RFPL4A: variants seen among roughly 807,000 people sequenced by gnomAD.
RFPL4A encodes ret finger protein like 4A, also known as ret finger protein-like 4A.
RFPL4A carries 4 observed loss-of-function variants against 8.3 expected under a neutral mutation model. The ratio of observed to expected loss-of-function variants is 0.48; its 90% CI spans 0.24 to 1.10. The LOEUF is 1.10. Ranked by LOEUF, RFPL4A falls within the 50% of genes least tolerant of loss-of-function variation. RFPL4A has a pLI of 0.18. For missense variants in RFPL4A, 111 were observed against 358.7 expected (o/e 0.31, Z 5.58); for synonymous variants, 43 against 136.6 (o/e 0.31, Z 4.78).
intron 1 of RFPL4A, among the ~76,000 whole-genome samples, chr19:55,760,353 C>G (rs1173774300): frequency 3.3e-5 from 5 of 151,398 alleles, no homozygotes; most frequent in Non-Finnish European, 7.4e-5. Context: ...GTCGGGAGAA[C>G]GAATTCAGGG....
chr19:55,761,134 G>T (rs187994977), intron 1 of RFPL4A, among the ~76,000 whole-genome samples: 8 of 129,226 alleles, frequency 6.2e-5, no homozygotes, highest in Non-Finnish European at 1.0e-4. Flanking sequence ...TACCTGGTAC[G>T]ACTTATTTGT....
Position 55,763,345 on chromosome 19 carries a change from T to C in RFPL4A, c.*170T>C, listed in dbSNP as rs1317951965. Among the ~76,000 whole-genome samples, 1 of 149,780 alleles carries C rather than the reference T, an allele frequency of 6.7e-6. No homozygotes were observed. The highest frequency in any genetic ancestry group is 2.1e-4 in the South Asian group (1 of 4,794). On this transcript the variant is annotated 3_prime_UTR_variant, in exon 3 of 3. Coordinates refer to ENST00000434937, the MANE Select transcript of RFPL4A (RefSeq NM_001145014.2). ...TATTAATGAGGGGAAAATTACATTG[T>C]ACTTAAAGTTTGTCATGTTGTTTTC...
Position 55,761,991 on chromosome 19 carries a change from A to G in RFPL4A, c.191A>G (p.Lys64Arg), listed in dbSNP as rs202102526. 7,471 of 1,513,996 alleles carry G rather than the reference A, an allele frequency of 4.9e-3. 312 individuals carry two copies. The highest frequency in any genetic ancestry group is 5.2e-3 in the Non-Finnish European group (5,861 of 1,118,846). 93.8% of individuals were successfully genotyped at this position (1,513,996 alleles called of 1,614,324 possible). ...VVSQKDDIKPKYKLRALVSII... is the reference protein window; with the variant it reads ...VVSQKDDIKPRYKLRALVSII... Reference sequence around the variant, plus strand: ...TCTCAGAAGGATGACATCAAGCCCAAGTACAAGCTGAGGGCGCTGGTTTCC... The same window carrying G: ...TCTCAGAAGGATGACATCAAGCCCAGGTACAAGCTGAGGGCGCTGGTTTCC... The change falls in exon 2 of 3, where the codon AAG (lysine) becomes AGG (arginine). Residue 64 changes from lysine to arginine, a missense_variant. Coordinates refer to ENST00000434937, the MANE Select transcript of RFPL4A (RefSeq NM_001145014.2).
At chr19:55,760,090 C>G (rs1033446175) in intron 1 of RFPL4A, among the ~76,000 whole-genome samples, 16 of 151,710 alleles carry the variant, frequency 1.1e-4, no homozygotes, top group Non-Finnish European at 1.9e-4. Context: ...ACAGGCAGTT[C>G]TATCCTTCAT....
intron 1 of RFPL4A, among the ~76,000 whole-genome samples, chr19:55,761,330 G>T (rs1989277947): frequency 7.3e-6 from 1 of 137,390 alleles, no homozygotes; most frequent in Admixed American, 7.1e-5. Flanking sequence ...CAAGCCTAAT[G>T]AATTTTAACT....
intron 1 of RFPL4A, 75 bp from the exon 2 acceptor site, chr19:55,761,717 T>C (rs1252381291): frequency 6.9e-7 from 1 of 1,455,226 alleles, no homozygotes; most frequent in Non-Finnish European, 9.3e-7. Flanking sequence ...CATGTAAAGA[T>C]AAAAGCCCCA....
upstream of RFPL4A, among the ~76,000 whole-genome samples, chr19:55,758,325 C>T (rs1166572613): frequency 1.3e-5 from 2 of 152,296 alleles, no homozygotes; most frequent in East Asian, 1.9e-4. Context: ...AAATTAAAGA[C>T]TATTAATTTA....
rs1989233183 is a variant in RFPL4A at position 55,759,156 on chromosome 19, G to T, written c.-29G>T. On this transcript the variant is annotated 5_prime_UTR_variant, in exon 1 of 3. Transcript: ENST00000434937. The stretch of plus-strand genomic sequence containing the variant: ...CCGCAGAAGCAGCTGGAGGCCAGGG[G>T]AGAAACTCCAGAAGGAGAGGTGAGT... 6.6e-6 allele frequency: 1 copy of T among 152,138 alleles called. No homozygotes were observed. The highest frequency in any genetic ancestry group is 1.5e-5 in the Non-Finnish European group (1 of 67,612). 9.4% of individuals were successfully genotyped at this position (152,138 alleles called of 1,614,324 possible).
At chr19:55,758,193 G>A (rs1231987586), upstream of RFPL4A, among the ~76,000 whole-genome samples, 4 of 152,264 alleles carry the variant, frequency 2.6e-5, no homozygotes, top group African/African-American at 7.2e-5. Context: ...GCACCACAAC[G>A]TAGAGATTTG....
chr19:55,761,530 A>G (rs1989281681), intron 1 of RFPL4A, among the ~76,000 whole-genome samples: 1 of 143,332 alleles, frequency 7.0e-6, no homozygotes, highest in South Asian at 2.2e-4. Flanking sequence ...GAAACAGTTC[A>G]GGTGTAGACT....
upstream of RFPL4A, among the ~76,000 whole-genome samples, chr19:55,757,908 A>C (rs1163706918): frequency 5.3e-5 from 8 of 152,036 alleles, no homozygotes; most frequent in African/African-American, 1.7e-4. Context: ...AGCAGATAAA[A>C]ATTAAAAGAT....
chr19:55,763,099 A>T lies in RFPL4A; in HGVS notation c.788A>T (p.Asp263Val). 1.3e-6 allele frequency: 2 copies of T among 1,548,986 alleles called. No individual in the cohort carries two copies. Among genetic ancestry groups the T allele is most frequent in the East Asian group, 2.4e-5 (1 of 40,880 alleles). The change falls in exon 3 of 3, where the codon GAT (aspartate) becomes GTT (valine). Residue 263 changes from aspartate (D) to valine (V), a missense_variant. By Grantham distance (152) the Asp-to-Val change is radical. Transcript: ENST00000434937. ...GCTCATAAACGTGGAAGTCAAGATG[A>T]TCAGAGCATCCTGAGTATCTGTTCT... ...FFAHKRGSQDDQSILSICSVI... is the reference protein window; with the variant it reads ...FFAHKRGSQDVQSILSICSVI...
Position 55,761,722 on chromosome 19 carries a change from GC to G in RFPL4A, c.-9-66del, listed in dbSNP as rs371547624. Reference sequence around the variant, plus strand: ...TAGCTCCATGCATGTAAAGATAAAAGCCCCAAACACTATCAGCTGTTCATTC... The same window carrying G: ...TAGCTCCATGCATGTAAAGATAAAAGCCCAAACACTATCAGCTGTTCATTC... On this transcript the variant is annotated intron_variant, in intron 1 of 2. Transcript: ENST00000434937. 6.2e-6 allele frequency: 9 copies of G among 1,450,680 alleles called. 3 individuals carry two copies. In the African/African-American group the frequency reaches 6.2e-5, roughly 10 times the overall value. The allele number at this position is 1,450,680 out of a possible 1,614,324, so 89.9% of individuals were successfully genotyped here.
upstream of RFPL4A, among the ~76,000 whole-genome samples, chr19:55,758,283 A>G (rs1271826240): frequency 9.2e-5 from 14 of 152,304 alleles, no homozygotes; most frequent in Non-Finnish European, 2.1e-4. Flanking sequence ...GAATCTAGCA[A>G]TCACTAGAGA....
upstream of RFPL4A, chr19:55,758,885 A>C (rs200408243): frequency 4.7e-3 from 709 of 150,818 alleles, no homozygotes; most frequent in East Asian, 0.093. Flanking sequence ...CATAATATTC[A>C]AGATCTTATC....
chr19:55,759,078 C>T (rs1163698438), upstream of RFPL4A: 4 of 141,240 alleles, frequency 2.8e-5, 1 homozygote, highest in Non-Finnish European at 6.4e-5. Flanking sequence ...GGTGGAGACA[C>T]CCTCTGGTAT....
Position 55,763,114 on chromosome 19 carries a change from G to A in RFPL4A, c.803G>A (p.Ser268Asn). 1 of 1,547,176 alleles carries A rather than the reference G, an allele frequency of 6.5e-7. No homozygotes were observed. The highest frequency in any genetic ancestry group is 8.7e-7 in the Non-Finnish European group (1 of 1,146,304). Reference protein sequence around the residue: ...RGSQDDQSILSICSVINPSAA... With the variant: ...RGSQDDQSILNICSVINPSAA... ...AGTCAAGATGATCAGAGCATCCTGA[G>A]TATCTGTTCTGTGATCAATCCATCC... is the stretch of plus-strand genomic sequence containing the variant. The change falls in exon 3 of 3, where the codon AGT becomes AAT. Residue 268 changes from serine to asparagine, a missense_variant. Coordinates refer to ENST00000434937, the MANE Select transcript of RFPL4A (RefSeq NM_001145014.2).
chr19:55,760,465 G>T lies in RFPL4A; in HGVS notation c.-10+1290G>T, dbSNP rs1221295774. Among the ~76,000 whole-genome samples the T allele has an allele frequency of 4.0e-5, 6 of 151,346 alleles. 1 individual carries two copies. In the East Asian group the frequency reaches 1.2e-3, roughly 30 times the overall value. ...GTGATTCTGAAAGCTGGTGGCTTTCGATGGCCTTCGGGGTTTCTATTTTTG... is the reference window on the plus strand; with the variant it reads ...GTGATTCTGAAAGCTGGTGGCTTTCTATGGCCTTCGGGGTTTCTATTTTTG... On this transcript the variant is annotated intron_variant, in intron 1 of 2. Transcript: ENST00000434937.
In RFPL4A at chr19:55,762,592, G is replaced by T; in HGVS notation, c.287-6G>T. The T allele has an allele frequency of 6.4e-7, 1 of 1,551,598 alleles. No individual in the cohort carries two copies. The highest frequency in any genetic ancestry group is 8.7e-7 in the Non-Finnish European group (1 of 1,146,874). On this transcript the variant is annotated splice_region_variant and splice_polypyrimidine_tract_variant and intron_variant, in intron 2 of 2. Coordinates refer to ENST00000434937, the MANE Select transcript of RFPL4A (RefSeq NM_001145014.2). ...TTTGCTGAACTCCTGGTTCTTCTTT[G>T]CACAGTGGATATGACGTTCGATGTG...
Sources: allele counts gnomAD v4.1 joint callset (sites outside exome capture counted in the v4.1 genomes callset), GRCh38; gene constraint gnomAD v4.1.1; transcripts MANE v1.5; gene names NCBI Gene and HGNC (gene_info 2026-07-23, HGNC 2026-07-21).